The following ARFIP1 variants were observed in gnomAD, a reference collection of about 807,000 sequenced individuals.
ARFIP1 encodes the protein ARF interacting protein 1.
A neutral mutation model predicts 42.5 loss-of-function variants in ARFIP1; 24 were observed. The observed-to-expected ratio is 0.57, with a 90% confidence interval of 0.41 to 0.80. ARFIP1 has a LOEUF of 0.80. ARFIP1 is among the 30% of genes least tolerant of loss of function. ARFIP1 has a pLI of 0.00. For synonymous variants in ARFIP1, 141 were observed against 153.7 expected (o/e 0.92, Z 0.61); for missense variants, 354 against 434.0 (o/e 0.82, Z 1.64).
intron 2 of ARFIP1, among the ~76,000 whole-genome samples, chr4:152,835,065 A>C (rs1428294032): frequency 2.6e-5 from 4 of 152,074 alleles, no homozygotes; most frequent in Admixed American, 2.6e-4. Flanking sequence ...TGTCCCAAAG[A>C]CTTCTGAAAT....
intron 2 of ARFIP1, among the ~76,000 whole-genome samples, chr4:152,847,289 C>G (rs552863688): frequency 6.6e-6 from 1 of 151,520 alleles, no homozygotes; most frequent in Non-Finnish European, 1.5e-5. Flanking sequence ...TGTGCCACCA[C>G]GCCCGGCTAA....
At chr4:152,871,335 A>C (rs539056894) in intron 4 of ARFIP1, among the ~76,000 whole-genome samples, 1 of 152,238 alleles carries the variant, frequency 6.6e-6, no homozygotes, top group Non-Finnish European at 1.5e-5. Flanking sequence ...TTTACCAGTT[A>C]TACCCAATGA....
chr4:152,840,042 T>G (rs772902211), intron 2 of ARFIP1, among the ~76,000 whole-genome samples: 92 of 152,348 alleles, frequency 6.0e-4, no homozygotes, highest in Non-Finnish European at 1.2e-3. Context: ...TTAATTTCCA[T>G]GTATTTGCAT....
intron 3 of ARFIP1, among the ~76,000 whole-genome samples, chr4:152,868,075 A>G (rs1294215319): frequency 6.6e-6 from 1 of 152,224 alleles, no homozygotes; most frequent in Non-Finnish European, 1.5e-5. Flanking sequence ...AATTATGACT[A>G]TTGCTTAAAC....
At chr4:152,785,362 A>G (rs139921366) in intron 1 of ARFIP1, among the ~76,000 whole-genome samples, 67 of 152,350 alleles carry the variant, frequency 4.4e-4, no homozygotes, top group Admixed American at 1.1e-3. Context: ...GATTTAGGTA[A>G]AGTGCTTTGT....
intron 1 of ARFIP1, among the ~76,000 whole-genome samples, chr4:152,822,296 T>TAAAAAAAAA (rs70949618): frequency 1.5e-5 from 1 of 65,578 alleles, no homozygotes; most frequent in African/African-American, 5.1e-5. Context: ...GCAACAGCAG[T>TAAAAAAAAA]AAAAAAAAAA....
intron 8 of ARFIP1, among the ~76,000 whole-genome samples, chr4:152,901,240 A>G (rs1260799294): frequency 6.6e-6 from 1 of 152,192 alleles, no homozygotes; most frequent in Non-Finnish European, 1.5e-5. Flanking sequence ...AATGCTTATC[A>G]TTAGTTTTTT....
Position 152,910,908 on chromosome 4 carries a change from T to C in ARFIP1, c.*689T>C, listed in dbSNP as rs529560157. 6.5e-6 allele frequency: 1 copy of C among 152,726 alleles called. No homozygotes were observed. Among genetic ancestry groups the C allele is most frequent in the South Asian group, 2.1e-4 (1 of 4,824 alleles). The allele number at this position is 152,726 out of a possible 1,614,324, so 9.5% of individuals were successfully genotyped here. On this transcript the variant is annotated 3_prime_UTR_variant, in exon 9 of 9. Coordinates refer to ENST00000353617, the MANE Select transcript of ARFIP1 (RefSeq NM_001025595.3). Reference sequence around the variant, plus strand: ...CACCCGAAGTCATTGGACAGTTACATTTGCAATTTCTTTTGGTTCATAACA... The same window carrying C: ...CACCCGAAGTCATTGGACAGTTACACTTGCAATTTCTTTTGGTTCATAACA...
At chr4:152,798,242 G>A (rs1731593351) in intron 1 of ARFIP1, among the ~76,000 whole-genome samples, 1 of 134,648 alleles carries the variant, frequency 7.4e-6, no homozygotes, top group Non-Finnish European at 1.7e-5. Flanking sequence ...CAGCCTGGGC[G>A]ACAGAGCGAG....
At chr4:152,862,209 C>G (rs1322429815) in intron 2 of ARFIP1, among the ~76,000 whole-genome samples, 1 of 152,110 alleles carries the variant, frequency 6.6e-6, no homozygotes, top group Non-Finnish European at 1.5e-5. Context: ...AGTTTTTCTA[C>G]TAGGTTGAAG....
chr4:152,816,676 C>T (rs1729913681), intron 1 of ARFIP1, among the ~76,000 whole-genome samples: 3 of 152,206 alleles, frequency 2.0e-5, no homozygotes, highest in Admixed American at 1.3e-4. Flanking sequence ...GGGCTTTGTC[C>T]GTTTTGTTCT....
chr4:152,824,943 G>GAT (rs955792584), intron 1 of ARFIP1, among the ~76,000 whole-genome samples: 12 of 151,328 alleles, frequency 7.9e-5, no homozygotes, highest in South Asian at 2.1e-4. Context: ...TTTTACAATT[G>GAT]ATATATATAT....
At chr4:152,825,564 A>C (rs1730767663) in intron 1 of ARFIP1, among the ~76,000 whole-genome samples, 1 of 152,210 alleles carries the variant, frequency 6.6e-6, no homozygotes, top group South Asian at 2.1e-4. Flanking sequence ...TTAAAGACTT[A>C]AGATCTGAAA....
intron 8 of ARFIP1, among the ~76,000 whole-genome samples, chr4:152,900,436 C>T (rs1431217132): frequency 6.6e-6 from 1 of 152,034 alleles, no homozygotes; most frequent in Non-Finnish European, 1.5e-5. Flanking sequence ...TTCTGCTTGT[C>T]AGTGATTTGT....
At chr4:152,863,096 T>C (rs1354348834) in intron 2 of ARFIP1, among the ~76,000 whole-genome samples, 1 of 152,196 alleles carries the variant, frequency 6.6e-6, no homozygotes, top group East Asian at 1.9e-4. Context: ...ATTATCATTG[T>C]GCAATGTAAA....
chr4:152,796,158 A>G, intron 1 of ARFIP1: 1 of 752,632 alleles, frequency 1.3e-6, no homozygotes, highest in Non-Finnish European at 2.5e-6. Flanking sequence ...CCTGTGTCAC[A>G]AGGCCCACTT....
chr4:152,808,316 TTG>T (rs1729169658), intron 1 of ARFIP1, among the ~76,000 whole-genome samples: 1 of 130,870 alleles, frequency 7.6e-6, no homozygotes, highest in Non-Finnish European at 1.6e-5. Context: ...TTTTTTTTTT[TTG>T]TAGCAGTAGT....
intron 8 of ARFIP1, among the ~76,000 whole-genome samples, chr4:152,900,045 G>A (rs1471177195): frequency 1.3e-5 from 2 of 151,982 alleles, no homozygotes; most frequent in Non-Finnish European, 2.9e-5. Flanking sequence ...ATAGCAGAGA[G>A]AGAAGATGGA....
intron 2 of ARFIP1, among the ~76,000 whole-genome samples, chr4:152,843,526 G>T (rs1405588348): frequency 6.6e-6 from 1 of 152,110 alleles, no homozygotes; most frequent in African/African-American, 2.4e-5. Context: ...GGGTAGGGAG[G>T]GACCATCAGG....
Sources: allele counts gnomAD v4.1 joint callset (sites outside exome capture counted in the v4.1 genomes callset), GRCh38; gene constraint gnomAD v4.1.1; transcripts MANE v1.5; gene names NCBI Gene and HGNC (gene_info 2026-07-23, HGNC 2026-07-21).